The following TTC23 variants were observed in gnomAD, a reference collection of about 807,000 sequenced individuals.
The protein encoded by TTC23 is tetratricopeptide repeat protein 23.
In TTC23, 58 loss-of-function variants were observed where a neutral mutation model predicts 55.1. That is an observed-to-expected ratio of 1.05 (90% CI 0.85 to 1.31). The LOEUF (loss-of-function observed/expected upper bound fraction) is 1.31. TTC23 is among the 50% of genes most tolerant of loss of function. TTC23 has a pLI of 0.00. For missense variants in TTC23, 516 were observed against 534.4 expected, an observed-to-expected ratio of 0.97 and a Z score of 0.34; for synonymous variants, 203 against 199.9, an observed-to-expected ratio of 1.02 and a Z score of -0.13.
intron 9 of TTC23, among the ~76,000 whole-genome samples, chr15:99,188,315 A>G (rs1014935836): frequency 2.6e-5 from 4 of 152,166 alleles, no homozygotes; most frequent in African/African-American, 9.6e-5. Flanking sequence ...TAGAAAGTAA[A>G]TTGGTGGTTG....
chr15:99,243,328 T>C (rs1323253986), intron 2 of TTC23, among the ~76,000 whole-genome samples: 2 of 152,150 alleles, frequency 1.3e-5, no homozygotes, highest in African/African-American at 4.8e-5. Context: ...AGATGGCTTT[T>C]ATTAAAAAGG....
chr15:99,211,728 G>A (rs1200505064), intron 8 of TTC23, among the ~76,000 whole-genome samples: 1 of 152,132 alleles, frequency 6.6e-6, no homozygotes, highest in Non-Finnish European at 1.5e-5. Context: ...AACCCCTGGA[G>A]GTCTTATTAT....
intron 9 of TTC23, among the ~76,000 whole-genome samples, chr15:99,198,491 T>C (rs2075928962): frequency 6.6e-6 from 1 of 152,246 alleles, no homozygotes; most frequent in South Asian, 2.1e-4. Flanking sequence ...ATTCTCAGCT[T>C]TGGCTACCTC....
intron 5 of TTC23, among the ~76,000 whole-genome samples, chr15:99,227,129 G>T (rs539846441): frequency 6.6e-6 from 1 of 152,326 alleles, no homozygotes; most frequent in South Asian, 2.1e-4. Flanking sequence ...GTGAGTATCT[G>T]TTGCATAATG....
chr15:99,141,304 A>G (rs1555490283), intron 12 of TTC23, among the ~76,000 whole-genome samples: 3 of 152,200 alleles, frequency 2.0e-5, no homozygotes, highest in Non-Finnish European at 1.5e-5. Flanking sequence ...AAGGGGAAAA[A>G]GAAAACGACA....
At chr15:99,222,015 AACAG>A (rs2077979801) in intron 5 of TTC23, 151 bp from the exon 6 acceptor site, 9 of 849,734 alleles carry the variant, frequency 1.1e-5, no homozygotes, top group African/African-American at 1.7e-5. Context: ...CAGAGAACAA[AACAG>A]ACAAAGATCT....
intron 8 of TTC23, among the ~76,000 whole-genome samples, chr15:99,209,280 G>A (rs1025395943): frequency 2.6e-5 from 4 of 152,208 alleles, no homozygotes; most frequent in Non-Finnish European, 5.9e-5. Context: ...AAGGCTTTGT[G>A]TGAATATCAC....
At chr15:99,214,917 G>A (rs966139810) in intron 8 of TTC23, among the ~76,000 whole-genome samples, 13 of 134,708 alleles carry the variant, frequency 9.7e-5, no homozygotes, top group East Asian at 4.7e-4. Flanking sequence ...GTGCAATGGC[G>A]CGATCTTGGC....
intron 1 of TTC23, among the ~76,000 whole-genome samples, chr15:99,247,888 G>A (rs1370397863): frequency 1.3e-5 from 2 of 151,890 alleles, no homozygotes; most frequent in Non-Finnish European, 1.5e-5. Flanking sequence ...CAATCATTGA[G>A]TTATATCCTT....
At chr15:99,199,241 C>G (rs1298897146) in intron 9 of TTC23, among the ~76,000 whole-genome samples, 1 of 151,798 alleles carries the variant, frequency 6.6e-6, no homozygotes, top group Non-Finnish European at 1.5e-5. Flanking sequence ...CTGTGGATTC[C>G]AGACTTAACA....
chr15:99,156,346 T>G (rs761731749), intron 11 of TTC23, 49 bp from the exon 12 acceptor site: 7 of 1,599,998 alleles, frequency 4.4e-6, no homozygotes, highest in East Asian at 2.2e-5. Context: ...AAAGGCTGAT[T>G]AGGATCATTA....
chr15:99,165,150 G>A (rs1013993075), intron 10 of TTC23, among the ~76,000 whole-genome samples: 1 of 152,154 alleles, frequency 6.6e-6, no homozygotes, highest in Non-Finnish European at 1.5e-5. Flanking sequence ...CCCCATACTA[G>A]GCTGAAATAG....
chr15:99,152,362 ATTTCTTTTTCTTTT>A (rs1567337091), intron 12 of TTC23, among the ~76,000 whole-genome samples: 1 of 151,750 alleles, frequency 6.6e-6, no homozygotes, highest in Non-Finnish European at 1.5e-5. Flanking sequence ...CATCTCAAGT[ATTTCTTTTTCTTTT>A]TTTCTTTTTC....
intron 9 of TTC23, among the ~76,000 whole-genome samples, chr15:99,197,626 C>A (rs1368505287): frequency 6.6e-6 from 1 of 152,064 alleles, no homozygotes; most frequent in Non-Finnish European, 1.5e-5. Context: ...GGGAGGGAGG[C>A]CAGGCGCAGT....
rs1163821876 is a variant in TTC23 at position 99,136,791 on chromosome 15, G to C, written c.*1219C>G. 1 of 152,102 alleles carries C rather than the reference G, an allele frequency of 6.6e-6. No homozygotes were observed. The highest frequency in any genetic ancestry group is 1.9e-4 in the East Asian group (1 of 5,192). 9.4% of individuals were successfully genotyped at this position (152,102 alleles called of 1,614,324 possible). ...CGTTTTTAGCACACTGCTGATGTCC[G>C]ACAGGCCTGGGTCTGGGACCAGTGT... On this transcript the variant is annotated 3_prime_UTR_variant, in exon 14 of 14. Transcript: ENST00000394132.
intron 8 of TTC23, among the ~76,000 whole-genome samples, chr15:99,206,454 T>C (rs1300121235): frequency 3.3e-5 from 5 of 152,230 alleles, no homozygotes; most frequent in Admixed American, 3.3e-4. Flanking sequence ...TTTTCTTTGA[T>C]GGAAGACATT....
chr15:99,170,137 AG>A (rs1303140045), intron 10 of TTC23, among the ~76,000 whole-genome samples: 3 of 152,170 alleles, frequency 2.0e-5, no homozygotes, highest in Non-Finnish European at 4.4e-5. Flanking sequence ...GGCCAGGCTC[AG>A]GTTAGTGACA....
At chr15:99,219,521 A>G (rs900353206) in intron 6 of TTC23, among the ~76,000 whole-genome samples, 4 of 152,182 alleles carry the variant, frequency 2.6e-5, no homozygotes, top group African/African-American at 9.7e-5. Flanking sequence ...AACATAATAC[A>G]TATCTGATAT....
At chr15:99,141,726 T>C (rs2068252260) in intron 12 of TTC23, among the ~76,000 whole-genome samples, 3 of 152,320 alleles carry the variant, frequency 2.0e-5, no homozygotes, top group South Asian at 4.1e-4. Context: ...CCTTTGTCTT[T>C]ATAAGCTGTG....
Sources: gnomAD v4.1 joint callset for allele counts (sites outside exome capture counted in the v4.1 genomes callset) on GRCh38, gnomAD v4.1.1 for gene constraint, MANE v1.5 for transcripts, NCBI Gene and HGNC (gene_info 2026-07-23, HGNC 2026-07-21) for gene names.